PPP3CC: variants seen among roughly 807,000 people sequenced by gnomAD.
PPP3CC encodes serine/threonine-protein phosphatase 2B catalytic subunit gamma isoform.
PPP3CC carries 35 observed loss-of-function variants against 60.3 expected under a neutral mutation model. That is an observed-to-expected ratio of 0.58 (90% CI 0.44 to 0.77). The LOEUF (loss-of-function observed/expected upper bound fraction) is 0.77. Ranked by LOEUF, PPP3CC falls within the 30% of genes least tolerant of loss-of-function variation. The pLI is 0.00. For missense variants in PPP3CC, 570 were observed against 628.9 expected (o/e 0.91, Z 1.00); for synonymous variants, 206 against 224.3 (o/e 0.92, Z 0.73).
intron 1 of PPP3CC, among the ~76,000 whole-genome samples, chr8:22,444,309 C>T (rs569374017): frequency 2.0e-5 from 3 of 151,826 alleles, no homozygotes; most frequent in Non-Finnish European, 4.4e-5. Context: ...ATAATACCTT[C>T]CCTGTCAAGC....
intron 10 of PPP3CC, among the ~76,000 whole-genome samples, chr8:22,530,477 A>ATATTTCCTAT (rs1464697366): frequency 1.3e-5 from 2 of 151,416 alleles, no homozygotes; most frequent in Non-Finnish European, 2.9e-5. Flanking sequence ...AGAAACACAT[A>ATATTTCCTAT]TATTTCCTAT....
chr8:22,489,949 G>C (rs1038194567), intron 3 of PPP3CC, among the ~76,000 whole-genome samples: 32 of 151,090 alleles, frequency 2.1e-4, no homozygotes, highest in Non-Finnish European at 3.5e-4. Flanking sequence ...AGCCTCTCCA[G>C]TAACTGGGAT....
At chr8:22,450,428 C>G (rs899640967) in intron 1 of PPP3CC, among the ~76,000 whole-genome samples, 1 of 152,192 alleles carries the variant, frequency 6.6e-6, no homozygotes, top group African/African-American at 2.4e-5. Flanking sequence ...CATTTAGTCA[C>G]TGATTCAGAT....
chr8:22,470,415 G>T (rs1242853410), intron 1 of PPP3CC, among the ~76,000 whole-genome samples: 2 of 151,968 alleles, frequency 1.3e-5, no homozygotes, highest in African/African-American at 2.4e-5. Context: ...CAAAAACAAA[G>T]TTTAAAGAAT....
chr8:22,492,744 A>G (rs886402142), intron 3 of PPP3CC: 11 of 1,022,582 alleles, frequency 1.1e-5, no homozygotes, highest in African/African-American at 3.2e-5. Context: ...GATGATAAAA[A>G]ACTTCAGTTC....
chr8:22,525,371 CTAT>C (rs1423990318), intron 8 of PPP3CC, among the ~76,000 whole-genome samples: 1 of 152,086 alleles, frequency 6.6e-6, no homozygotes, highest in Non-Finnish European at 1.5e-5. Context: ...AAAGGGAACT[CTAT>C]TATTCTTTTT....
At chr8:22,506,937 A>G (rs1398708033) in intron 4 of PPP3CC, among the ~76,000 whole-genome samples, 1 of 150,302 alleles carries the variant, frequency 6.7e-6, no homozygotes, top group African/African-American at 2.4e-5. Context: ...TAAATTAATT[A>G]ATTAATTAAT....
intron 1 of PPP3CC, among the ~76,000 whole-genome samples, chr8:22,462,575 C>G (rs1454929279): frequency 7.0e-6 from 1 of 142,910 alleles, no homozygotes; most frequent in African/African-American, 2.5e-5. Context: ...TTTCTTTTTT[C>G]TTTTTTTTTT....
intron 12 of PPP3CC, among the ~76,000 whole-genome samples, chr8:22,533,717 C>G (rs1839777211): frequency 6.6e-6 from 1 of 152,066 alleles, no homozygotes; most frequent in African/African-American, 2.4e-5. Flanking sequence ...CCCAGCTACT[C>G]GGTTGCCTGA....
intron 12 of PPP3CC, among the ~76,000 whole-genome samples, chr8:22,534,196 CAAAA>C (rs35668611): frequency 4.4e-5 from 5 of 114,932 alleles, no homozygotes; most frequent in Admixed American, 9.2e-5. Context: ...AAGACTGTTT[CAAAA>C]AAAAAAAAAA....
chr8:22,514,089 T>TA (rs1468140636), intron 6 of PPP3CC, among the ~76,000 whole-genome samples: 5 of 151,718 alleles, frequency 3.3e-5, no homozygotes, highest in Non-Finnish European at 2.9e-5. Context: ...CTGCTAAAAA[T>TA]AAAAAAATTA....
intron 12 of PPP3CC, among the ~76,000 whole-genome samples, chr8:22,535,751 A>C (rs1241180902): frequency 1.3e-5 from 2 of 152,116 alleles, no homozygotes; most frequent in African/African-American, 4.8e-5. Flanking sequence ...CTTTTCTTGG[A>C]GACAGAGTCT....
Position 22,493,121 on chromosome 8 carries a change from G to T in PPP3CC, c.373-4880G>T, listed in dbSNP as rs1170803523. ...CCAAGAATGAGGCAAACTGAATTGA[G>T]TCAACTTCTGAAGATAAAACTTGAA... On this transcript the variant is annotated intron_variant, in intron 3 of 13. Coordinates refer to ENST00000240139, the MANE Select transcript of PPP3CC (RefSeq NM_005605.5). 5.8e-6 allele frequency: 9 copies of T among 1,552,962 alleles called. No homozygotes were observed. In the East Asian group the frequency reaches 1.6e-4, roughly 27 times the overall value.
chr8:22,528,655 ATTTTCT>A (rs1839625696), intron 10 of PPP3CC, 78 bp downstream of exon 10: 5 of 1,055,920 alleles, frequency 4.7e-6, no homozygotes, highest in Middle Eastern at 4.3e-4. Context: ...ATTTTGAATG[ATTTTCT>A]TTGTCTTATT....
intron 1 of PPP3CC, among the ~76,000 whole-genome samples, chr8:22,468,416 G>T (rs1008090995): frequency 6.6e-6 from 1 of 152,142 alleles, no homozygotes; most frequent in Non-Finnish European, 1.5e-5. Flanking sequence ...GAAGTTGCTA[G>T]TCATTCTAAA....
chr8:22,521,975 C>A (rs79770195), intron 6 of PPP3CC, among the ~76,000 whole-genome samples: 2,901 of 48,816 alleles, frequency 0.059, 82 homozygotes, highest in African/African-American at 0.15. Flanking sequence ...AAAAAAAAAA[C>A]AAACCTATAT....
At chr8:22,492,698 A>G (rs1838443963) in intron 3 of PPP3CC, 1 of 912,912 alleles carries the variant, frequency 1.1e-6, no homozygotes, top group Non-Finnish European at 1.8e-6. Context: ...AATGGTTCAC[A>G]GAAAGAAGAA....
At chr8:22,488,808 A>G (rs1014027499) in intron 3 of PPP3CC, among the ~76,000 whole-genome samples, 3 of 152,208 alleles carry the variant, frequency 2.0e-5, no homozygotes, top group African/African-American at 7.2e-5. Flanking sequence ...TGCATAGATC[A>G]GGGGAACTAC....
chr8:22,532,159 C>T, intron 10 of PPP3CC, 66 bp from the exon 11 acceptor site: 1 of 1,188,384 alleles, frequency 8.4e-7, no homozygotes, highest in Admixed American at 2.1e-5. Flanking sequence ...ACACTTCATC[C>T]TGAATTTTTT....
Sources: gnomAD v4.1 joint callset for allele counts (sites outside exome capture counted in the v4.1 genomes callset) on GRCh38, gnomAD v4.1.1 for gene constraint, MANE v1.5 for transcripts, NCBI Gene and HGNC (gene_info 2026-07-23, HGNC 2026-07-21) for gene names.